The following CEACAM21 variants were observed in gnomAD, a reference collection of about 807,000 sequenced individuals.
CEACAM21 encodes the protein CEA cell adhesion molecule 21.
A neutral mutation model predicts 33.2 loss-of-function variants in CEACAM21; 38 were observed. That is an observed-to-expected ratio of 1.14 (90% CI 0.88 to 1.50). CEACAM21 has a LOEUF of 1.50. CEACAM21 is among the 40% of genes most tolerant of loss of function. The probability of loss-of-function intolerance (pLI) is 0.00; values close to 1 mark genes in which losing one functional copy is unlikely to be tolerated. For missense variants in CEACAM21, 385 were observed against 364.6 expected (o/e 1.06, Z -0.46); for synonymous variants, 156 against 143.0 (o/e 1.09, Z -0.65).
intron 2 of CEACAM21, among the ~76,000 whole-genome samples, chr19:41,570,037 G>T (rs868968331): frequency 3.1e-4 from 47 of 152,156 alleles, no homozygotes; most frequent in African/African-American, 1.1e-3. Flanking sequence ...CCCCACAGCT[G>T]TCAGGAAGCC....
chr19:41,585,194 G>A (rs1458180628), intron 4 of CEACAM21, among the ~76,000 whole-genome samples: 1 of 152,082 alleles, frequency 6.6e-6, no homozygotes, highest in African/African-American at 2.4e-5. Flanking sequence ...CCTTTCCTGT[G>A]TCACTGGATC....
At position 41,581,525 on chromosome 19, in the gene CEACAM21, G is replaced by A. The variant is rs1024935516; in HGVS notation, c.700+1897G>A. On this transcript the variant is annotated intron_variant, in intron 3 of 6. Coordinates refer to ENST00000401445, the MANE Select transcript of CEACAM21 (RefSeq NM_001098506.4). ...CTAGCACTGCTGGGTTAGGATCTCC[G>A]CGACCGAGCTGGTCTTGGCTGCTGA... Among the ~76,000 whole-genome samples the A allele has an allele frequency of 1.1e-4, 16 of 152,214 alleles. No individual in the cohort carries two copies. In the East Asian group the frequency reaches 1.7e-3, roughly 17 times the overall value.
Position 41,585,480 on chromosome 19 carries a change from C to A in CEACAM21, c.835C>A (p.Pro279Thr), listed in dbSNP as rs781798147. 6 of 1,613,754 alleles carry A rather than the reference C, an allele frequency of 3.7e-6. No individual in the cohort carries two copies. The highest frequency in any genetic ancestry group is 5.1e-6 in the Non-Finnish European group (6 of 1,179,816). ...DQSDFREQQP[P>T]ASTPGHGPSD... ...GAGTGACTTCAGGGAGCAGCAGCCCCCAGCCTCCACCCCCGGTGAGTGTCC... is the reference window on the plus strand; with the variant it reads ...GAGTGACTTCAGGGAGCAGCAGCCCACAGCCTCCACCCCCGGTGAGTGTCC... Residue 279 changes from proline (P) to threonine (T), a missense_variant, in exon 5 of 7, where the codon CCA (proline) becomes ACA (threonine). Physicochemically the swap from Pro to Thr is conservative, Grantham distance 38. Coordinates refer to ENST00000401445, the MANE Select transcript of CEACAM21 (RefSeq NM_001098506.4).
intron 4 of CEACAM21, 141 bp from the exon 5 acceptor site, chr19:41,585,301 GC>G: frequency 1.3e-6 from 1 of 796,594 alleles, no homozygotes; most frequent in East Asian, 2.5e-5. Context: ...CCTCACCTGG[GC>G]CCCTCCTACC....
At chr19:41,583,616 T>A (rs978724891) in intron 3 of CEACAM21, among the ~76,000 whole-genome samples, 1 of 152,174 alleles carries the variant, frequency 6.6e-6, no homozygotes, top group Non-Finnish European at 1.5e-5. Context: ...GAAAGGCATG[T>A]CTTACATGGC....
intron 1 of CEACAM21, chr19:41,552,059 T>C (rs548337592): frequency 6.6e-6 from 1 of 152,204 alleles, no homozygotes; most frequent in South Asian, 2.1e-4. Flanking sequence ...CCAGACCAAC[T>C]GTAAATTACA....
intron 1 of CEACAM21, among the ~76,000 whole-genome samples, chr19:41,553,072 C>T (rs2041319817): frequency 6.6e-6 from 1 of 152,006 alleles, no homozygotes; most frequent in African/African-American, 2.4e-5. Flanking sequence ...AACAGGTGTA[C>T]TATAGTTTCC....
At chr19:41,574,579 T>C (rs1469764460), upstream of CEACAM21, among the ~76,000 whole-genome samples, 2 of 152,074 alleles carry the variant, frequency 1.3e-5, no homozygotes, top group Non-Finnish European at 2.9e-5. Flanking sequence ...AGCAAATACA[T>C]GAAAAAATGC....
chr19:41,573,943 A>G (rs141852051), upstream of CEACAM21, among the ~76,000 whole-genome samples: 4 of 152,352 alleles, frequency 2.6e-5, no homozygotes, highest in African/African-American at 7.2e-5. Context: ...CTAATTTGAA[A>G]ACTTACTAAA....
intron 3 of CEACAM21, among the ~76,000 whole-genome samples, chr19:41,582,882 T>C (rs2043519201): frequency 6.6e-6 from 1 of 152,346 alleles, no homozygotes; most frequent in Non-Finnish European, 1.5e-5. Flanking sequence ...TCTTGGGGAT[T>C]AACATTTTGC....
intron 1 of CEACAM21, chr19:41,555,303 T>C (rs2041465816): frequency 9.0e-6 from 1 of 110,584 alleles, no homozygotes; most frequent in African/African-American, 4.5e-5. Context: ...TTGGGCTTGC[T>C]TTTTTTTTTT....
intron 1 of CEACAM21, among the ~76,000 whole-genome samples, chr19:41,559,876 A>T (rs1555786397): frequency 6.6e-6 from 1 of 152,248 alleles, no homozygotes; most frequent in African/African-American, 2.4e-5. Context: ...GGGAAGGCTG[A>T]GGCGGGAGGA....
At position 41,579,698 on chromosome 19, in the gene CEACAM21, T is replaced by G. The variant is rs1221168134; in HGVS notation, c.700+70T>G. 14 of 1,092,764 alleles carry G rather than the reference T, an allele frequency of 1.3e-5. No individual in the cohort carries two copies. The East Asian group carries it at 3.4e-4, about 26-fold the overall frequency. The allele number at this position is 1,092,764 out of a possible 1,614,324, so 67.7% of individuals were successfully genotyped here. On this transcript the variant is annotated intron_variant, in intron 3 of 6. Coordinates refer to ENST00000401445, the MANE Select transcript of CEACAM21 (RefSeq NM_001098506.4). ...CCTAGGAGGGAGGGGGGGTGTAAAATGATACACGGAATGAGAAGGATGAGA... is the reference window on the plus strand; with the variant it reads ...CCTAGGAGGGAGGGGGGGTGTAAAAGGATACACGGAATGAGAAGGATGAGA...
intron 1 of CEACAM21, among the ~76,000 whole-genome samples, chr19:41,563,732 A>G (rs2042054245): frequency 6.6e-6 from 1 of 152,230 alleles, no homozygotes; most frequent in Non-Finnish European, 1.5e-5. Context: ...GGTTGTCACC[A>G]ACCTGCCTTG....
chr19:41,585,539 C>A, intron 5 of CEACAM21, 44 bp downstream of exon 5: 1 of 1,605,414 alleles, frequency 6.2e-7, no homozygotes, highest in Non-Finnish European at 8.5e-7. Flanking sequence ...ACTACTAAGC[C>A]AGCCCCAAGT....
chr19:41,576,066 G>A (rs891642048), upstream of CEACAM21: 1 of 602,426 alleles, frequency 1.7e-6, no homozygotes, highest in Middle Eastern at 4.4e-4. Context: ...GAGGGACAAG[G>A]GAGGCAGGAC....
intron 2 of CEACAM21, among the ~76,000 whole-genome samples, chr19:41,568,246 TG>T (rs2042390087): frequency 6.6e-6 from 1 of 152,130 alleles, no homozygotes; most frequent in Non-Finnish European, 1.5e-5. Flanking sequence ...TTTGCTCTGC[TG>T]GCCTTTTTTT....
At chr19:41,565,301 GGA>G (rs2042179675) in intron 2 of CEACAM21, among the ~76,000 whole-genome samples, 1 of 152,192 alleles carries the variant, frequency 6.6e-6, no homozygotes, top group Non-Finnish European at 1.5e-5. Context: ...GGGAGCCTAA[GGA>G]GAGGAGTGAA....
At chr19:41,556,229 A>G (rs1450651633) in intron 1 of CEACAM21, among the ~76,000 whole-genome samples, 3 of 152,364 alleles carry the variant, frequency 2.0e-5, no homozygotes, top group African/African-American at 7.2e-5. Flanking sequence ...AATTCCTTTT[A>G]AAAAGAAGTG....
Sources: allele counts gnomAD v4.1 joint callset (sites outside exome capture counted in the v4.1 genomes callset), GRCh38; gene constraint gnomAD v4.1.1; transcripts MANE v1.5; gene names NCBI Gene and HGNC (gene_info 2026-07-23, HGNC 2026-07-21).